Variants in ZC3H12D observed in about 807,000 individuals in gnomAD.
ZC3H12D encodes the protein zinc finger CCCH-type containing 12D, also known as probable ribonuclease ZC3H12D.
Under a neutral mutation model 24.2 loss-of-function variants are expected in ZC3H12D, and 11 were observed. The observed-to-expected ratio is 0.46, with a 90% CI of 0.29 to 0.75. The LOEUF is 0.75. ZC3H12D is among the 30% of genes least tolerant of loss of function. The probability of loss-of-function intolerance (pLI) is 0.11; values close to 1 mark genes in which losing one functional copy is unlikely to be tolerated. For missense variants in ZC3H12D, 740 were observed against 767.7 expected, an observed-to-expected ratio of 0.96 and a Z score of 0.43; for synonymous variants, 333 against 341.8, an observed-to-expected ratio of 0.97 and a Z score of 0.28.
In ZC3H12D at chr6:149,452,548, A is replaced by C; in HGVS notation, c.787+68T>G. 1 of 1,304,762 alleles carries C rather than the reference A, an allele frequency of 7.7e-7. No homozygotes were observed. The highest frequency in any genetic ancestry group is 1.0e-6 in the Non-Finnish European group (1 of 990,934). 80.8% of individuals were successfully genotyped at this position (1,304,762 alleles called of 1,614,324 possible). A position where few individuals can be genotyped will look rare whatever the true frequency, so the allele number is the denominator to read the frequency against. On this transcript the variant is annotated intron_variant, in intron 5 of 5. Transcript: ENST00000409806. The surrounding 1 kb of genome is among the most constrained non-coding windows in gnomAD (Gnocchi z 4.0). Reference sequence around the variant, plus strand: ...CTGAGCACCAGGCCAGCGCTTTTTGACTGTGCTCCTGTACTGCCCCCACAC... The same window carrying C: ...CTGAGCACCAGGCCAGCGCTTTTTGCCTGTGCTCCTGTACTGCCCCCACAC...
chr6:149,474,598 G>T lies in ZC3H12D; in HGVS notation c.-55C>A. The T allele has an allele frequency of 1.4e-6, 2 of 1,400,862 alleles. No homozygotes were observed. Among genetic ancestry groups the T allele is most frequent in the South Asian group, 1.7e-5 (1 of 59,594 alleles). The allele number at this position is 1,400,862 out of a possible 1,614,324, so 86.8% of individuals were successfully genotyped here. The stretch of plus-strand genomic sequence containing the variant: ...CTGCCCCAGGCTTCCTCCTCTCAGA[G>T]CCCTGCAGACATGAGCTAAAGAGAA... On this transcript the variant is annotated 5_prime_UTR_variant, in exon 2 of 6. Transcript: ENST00000409806.
At position 149,456,969 on chromosome 6, in the gene ZC3H12D, C is replaced by T; in HGVS notation, c.446-69G>A. On this transcript the variant is annotated intron_variant, in intron 3 of 5. Coordinates refer to ENST00000409806, the MANE Select transcript of ZC3H12D (RefSeq NM_207360.3). The surrounding 1 kb of genome is among the most constrained non-coding windows in gnomAD (Gnocchi z 4.3). Reference sequence around the variant, plus strand: ...CCGCCCCTGAGAACCACCCCCAACGCGAGGCCACCCGCTTCCCGGGCCGGT... The same window carrying T: ...CCGCCCCTGAGAACCACCCCCAACGTGAGGCCACCCGCTTCCCGGGCCGGT... 6.9e-7 allele frequency: 1 copy of T among 1,456,706 alleles called. No homozygotes were observed. The highest frequency in any genetic ancestry group is 9.3e-7 in the Non-Finnish European group (1 of 1,073,098). 90.2% of individuals were successfully genotyped at this position (1,456,706 alleles called of 1,614,324 possible).
At chr6:149,478,560 C>T (rs1359897472) in intron 1 of ZC3H12D, among the ~76,000 whole-genome samples, 3 of 152,120 alleles carry the variant, frequency 2.0e-5, no homozygotes, top group Non-Finnish European at 2.9e-5. Flanking sequence ...ATAAACAAAG[C>T]CTCTTTAAGA....
intron 2 of ZC3H12D, among the ~76,000 whole-genome samples, chr6:149,469,421 G>A (rs1027658202): frequency 4.6e-5 from 7 of 151,958 alleles, no homozygotes; most frequent in South Asian, 2.1e-4. Flanking sequence ...TGGCGCCACT[G>A]CACTCCAGCC....
intron 4 of ZC3H12D, among the ~76,000 whole-genome samples, chr6:149,454,917 G>A (rs559821831): frequency 1.1e-4 from 16 of 152,332 alleles, no homozygotes; most frequent in Non-Finnish European, 2.1e-4. Flanking sequence ...CCACCTCCAC[G>A]GCTGCAGGGG....
intron 1 of ZC3H12D, among the ~76,000 whole-genome samples, 151 bp from the exon 2 acceptor site, chr6:149,474,764 T>C (rs1776305236): frequency 6.6e-6 from 1 of 152,240 alleles, no homozygotes; most frequent in Admixed American, 6.5e-5. Context: ...TCAATGTGGC[T>C]GTGGAGCTGC....
chr6:149,451,484 A>G lies in ZC3H12D; in HGVS notation c.788-5T>C. The G allele has an allele frequency of 6.4e-7, 1 of 1,563,284 alleles. No homozygotes were observed. Among genetic ancestry groups the G allele is most frequent in the East Asian group, 2.5e-5 (1 of 40,346 alleles). On this transcript the variant is annotated splice_polypyrimidine_tract_variant and splice_region_variant and intron_variant, in intron 5 of 5. Transcript: ENST00000409806. ...TGCCATAGGTGCATTTCTTGCCTGA[A>G]AGGGGCGGGGGCAGAGAGGGCGCGA...
intron 1 of ZC3H12D, among the ~76,000 whole-genome samples, chr6:149,480,985 C>G (rs558354740): frequency 6.6e-6 from 1 of 151,840 alleles, no homozygotes; most frequent in South Asian, 2.2e-4. Context: ...GTGACCAGTC[C>G]TTCTCTCTCA....
chr6:149,456,962 C>G lies in ZC3H12D; in HGVS notation c.446-62G>C. 18 of 1,515,756 alleles carry G rather than the reference C, an allele frequency of 1.2e-5. No homozygotes were observed. Among genetic ancestry groups the G allele is most frequent in the Non-Finnish European group, 1.5e-5 (17 of 1,119,894 alleles). The allele number at this position is 1,515,756 out of a possible 1,614,324, so 93.9% of individuals were successfully genotyped here. A position where few individuals can be genotyped will look rare whatever the true frequency, so the allele number is the denominator to read the frequency against. The stretch of plus-strand genomic sequence containing the variant: ...AAGGGCACCGCCCCTGAGAACCACC[C>G]CCAACGCGAGGCCACCCGCTTCCCG... On this transcript the variant is annotated intron_variant, in intron 3 of 5. Transcript: ENST00000409806. This position sits in a 1 kb window ranked among gnomAD's most constrained non-coding sequence, Gnocchi z 4.3.
Position 149,456,821 on chromosome 6 carries a change from C to A in ZC3H12D, c.525G>T (p.Leu175=). 1.2e-6 allele frequency: 2 copies of A among 1,612,546 alleles called. No homozygotes were observed. Among genetic ancestry groups the A allele is most frequent in the Non-Finnish European group, 1.7e-6 (2 of 1,179,782 alleles). The change falls in exon 4 of 6, where the codon CTG becomes CTT. Residue 175 remains leucine, a synonymous_variant. Coordinates refer to ENST00000409806, the MANE Select transcript of ZC3H12D (RefSeq NM_207360.3). This position sits in a 1 kb window ranked among gnomAD's most constrained non-coding sequence, Gnocchi z 4.3. ...CGATGTAGCGGTCGTCGTAGCAGAC[C>A]AGGCGCTTGCCGTGCACCTTGCGGG... ...TPSRKVHGKR[L]VCYDDRYIVK...
intron 4 of ZC3H12D, among the ~76,000 whole-genome samples, chr6:149,455,724 A>T (rs185493704): frequency 6.6e-6 from 1 of 152,092 alleles, no homozygotes; most frequent in African/African-American, 2.4e-5. Context: ...AGGCAGGGGG[A>T]GATATTTACA....
At chr6:149,479,054 C>T (rs1253642391) in intron 1 of ZC3H12D, among the ~76,000 whole-genome samples, 1 of 152,184 alleles carries the variant, frequency 6.6e-6, no homozygotes, top group Non-Finnish European at 1.5e-5. Context: ...TTCCCTGCTC[C>T]CTAGGCATTC....
rs1405284444 is a variant in ZC3H12D at position 149,465,018 on chromosome 6, C to A, written c.306-3048G>T. On this transcript the variant is annotated intron_variant, in intron 2 of 5. Coordinates refer to ENST00000409806, the MANE Select transcript of ZC3H12D (RefSeq NM_207360.3). ...CTGCTGTGCTCTCTCTCGTATGTGACCTTTCCTGCTATTTTCTCAAGGAAG... is the reference window on the plus strand; with the variant it reads ...CTGCTGTGCTCTCTCTCGTATGTGAACTTTCCTGCTATTTTCTCAAGGAAG... Among the ~76,000 whole-genome samples, 8 of 152,286 alleles carry A rather than the reference C, an allele frequency of 5.3e-5. No homozygotes were observed. In the East Asian group the frequency reaches 1.5e-3, roughly 29 times the overall value.
At chr6:149,454,430 C>A (rs1775948765) in intron 4 of ZC3H12D, among the ~76,000 whole-genome samples, 3 of 152,258 alleles carry the variant, frequency 2.0e-5, no homozygotes, top group Admixed American at 6.5e-5. Flanking sequence ...CTGCAGAGAG[C>A]TGGGTGATCC....
intron 1 of ZC3H12D, among the ~76,000 whole-genome samples, chr6:149,480,668 G>A (rs62441731): frequency 1.2e-4 from 19 of 152,292 alleles, no homozygotes; most frequent in African/African-American, 3.4e-4. Context: ...ACCAGGAGGC[G>A]GAGGTTGCGG....
At position 149,483,860 on chromosome 6, in the gene ZC3H12D, C is replaced by T. The variant is rs531740190; in HGVS notation, c.-71+953G>A. Among the ~76,000 whole-genome samples, 18 of 152,292 alleles carry T rather than the reference C, an allele frequency of 1.2e-4. No homozygotes were observed. In the South Asian group the frequency reaches 2.9e-3, roughly 25 times the overall value. On this transcript the variant is annotated intron_variant, in intron 1 of 5. Coordinates refer to ENST00000409806, the MANE Select transcript of ZC3H12D (RefSeq NM_207360.3). ...GCCACCACTCCCAGCCAATTTCTCT[C>T]GTTTTTAAGGCGAAATAACATTCCT...
At chr6:149,461,509 C>T (rs1432904436) in intron 3 of ZC3H12D, among the ~76,000 whole-genome samples, 1 of 152,180 alleles carries the variant, frequency 6.6e-6, no homozygotes, top group African/African-American at 2.4e-5. Context: ...AGTGTCTCTT[C>T]AGGTGTTAAA....
At position 149,451,225 on chromosome 6, in the gene ZC3H12D, G is replaced by T. The variant is rs1705548929; in HGVS notation, c.1042C>A (p.Arg348=). ...CCCAGGTCGTCGCTGAAGGCCAGCCGAGAGAAGCTCCCTCGCAGGGCGGCC... is the reference window on the plus strand; with the variant it reads ...CCCAGGTCGTCGCTGAAGGCCAGCCTAGAGAAGCTCCCTCGCAGGGCGGCC... ...DLAALRGSFS[R]LAFSDDLGPL... is the part of the protein sequence containing the mutation. Residue 348 remains arginine, a synonymous_variant, in exon 6 of 6, where the codon CGG becomes AGG. Transcript: ENST00000409806. 3 of 1,303,942 alleles carry T rather than the reference G, an allele frequency of 2.3e-6. No homozygotes were observed. Among genetic ancestry groups the T allele is most frequent in the Non-Finnish European group, 2.9e-6 (3 of 1,032,782 alleles). The allele number at this position is 1,303,942 out of a possible 1,614,324, so 80.8% of individuals were successfully genotyped here.
Position 149,452,629 on chromosome 6 carries a change from C to A in ZC3H12D, c.774G>T (p.Gln258His). ...GGCCCTACCCACCATAAGGACAATG[C>A]TGCCAGGATGGCTCTGGGGGCTTCG... ...RKPKPPEPSWQHCPYGKKCTY... is the reference protein window; with the variant it reads ...RKPKPPEPSWHHCPYGKKCTY... Residue 258 changes from glutamine to histidine, a missense_variant, in exon 5 of 6, where the codon CAG (glutamine) becomes CAT (histidine). Physicochemically the swap from Gln to His is conservative, Grantham distance 24. Transcript: ENST00000409806. This position sits in a 1 kb window ranked among gnomAD's most constrained non-coding sequence, Gnocchi z 4.0. 1 of 1,589,282 alleles carries A rather than the reference C, an allele frequency of 6.3e-7. No individual in the cohort carries two copies. Among genetic ancestry groups the A allele is most frequent in the Admixed American group, 1.8e-5 (1 of 56,596 alleles).
Sources: gnomAD v4.1 joint callset for allele counts (sites outside exome capture counted in the v4.1 genomes callset) on GRCh38, gnomAD v4.1.1 for gene constraint, Gnocchi (gnomAD v3.1) non-coding constraint, MANE v1.5 for transcripts, NCBI Gene and HGNC (gene_info 2026-07-23, HGNC 2026-07-21) for gene names.